FOXN3: variants seen among roughly 807,000 people sequenced by gnomAD.
FOXN3 encodes forkhead box N3.
A neutral mutation model predicts 38.4 loss-of-function variants in FOXN3; 7 were observed. The ratio of observed to expected loss-of-function variants is 0.18; its 90% confidence interval spans 0.10 to 0.34. The LOEUF (loss-of-function observed/expected upper bound fraction) is 0.34, where lower values mean the gene tolerates loss of function less well. Ranked by LOEUF, FOXN3 falls within the 10% of genes least tolerant of loss-of-function variation. FOXN3 has a pLI of 1.00. For missense variants in FOXN3, 456 were observed against 613.4 expected (o/e 0.74, Z 2.71); for synonymous variants, 230 against 242.2 (o/e 0.95, Z 0.47).
intron 1 of FOXN3, among the ~76,000 whole-genome samples, chr14:89,491,165 G>A (rs1444007797): frequency 2.0e-5 from 3 of 151,700 alleles, no homozygotes; most frequent in East Asian, 1.9e-4. Flanking sequence ...AAGTAGAGAC[G>A]GGGTTTTTCC....
upstream of FOXN3, among the ~76,000 whole-genome samples, chr14:89,421,946 C>T (rs115696598): frequency 6.6e-6 from 1 of 152,156 alleles, no homozygotes; most frequent in Non-Finnish European, 1.5e-5. Flanking sequence ...GTGGTGCAAT[C>T]GTAACTCACT....
intron 1 of FOXN3, among the ~76,000 whole-genome samples, chr14:89,563,309 G>T (rs1259299676): frequency 6.6e-6 from 1 of 152,168 alleles, no homozygotes; most frequent in African/African-American, 2.4e-5. Flanking sequence ...ACTTCTCATA[G>T]ATAAGTTGCA....
intron 4 of FOXN3, among the ~76,000 whole-genome samples, chr14:89,181,013 C>G (rs188992261): frequency 6.6e-6 from 1 of 150,686 alleles, no homozygotes; most frequent in Non-Finnish European, 1.5e-5. Flanking sequence ...CAGTCATGCA[C>G]GCGCACACAC....
At chr14:89,364,551 A>G (rs1464497749) in intron 2 of FOXN3, 1 of 152,232 alleles carries the variant, frequency 6.6e-6, no homozygotes, top group Non-Finnish European at 1.5e-5. Context: ...CAGGAGCTGG[A>G]TACAGAGTCC....
intron 1 of FOXN3, among the ~76,000 whole-genome samples, chr14:89,598,794 C>T (rs1164355598): frequency 6.6e-6 from 1 of 152,184 alleles, no homozygotes; most frequent in Admixed American, 6.5e-5. Flanking sequence ...TGATGCTTTT[C>T]AGCTTTTCTC....
intron 1 of FOXN3, among the ~76,000 whole-genome samples, chr14:89,501,923 T>C (rs1406360055): frequency 6.6e-6 from 1 of 152,086 alleles, no homozygotes; most frequent in East Asian, 1.9e-4. Context: ...CCCAGCACTT[T>C]GGGAGGCCGA....
chr14:89,609,613 A>G (rs981361872), intron 1 of FOXN3, among the ~76,000 whole-genome samples: 6 of 152,260 alleles, frequency 3.9e-5, no homozygotes, highest in Admixed American at 2.6e-4. Flanking sequence ...ACTTATGGAA[A>G]TATCACCTAG....
At chr14:89,193,195 C>G (rs999572876) in intron 4 of FOXN3, among the ~76,000 whole-genome samples, 2 of 152,054 alleles carry the variant, frequency 1.3e-5, no homozygotes, top group Non-Finnish European at 2.9e-5. Flanking sequence ...CCGCAGGTGA[C>G]TCGTACCCAA....
At chr14:89,229,103 A>C (rs1409265917) in intron 4 of FOXN3, among the ~76,000 whole-genome samples, 1 of 152,170 alleles carries the variant, frequency 6.6e-6, no homozygotes, top group African/African-American at 2.4e-5. Context: ...GGTTTATTCC[A>C]CTGCCCCAGA....
intron 1 of FOXN3, among the ~76,000 whole-genome samples, chr14:89,485,576 G>T (rs116088028): frequency 1.3e-5 from 2 of 152,070 alleles, no homozygotes; most frequent in Non-Finnish European, 2.9e-5. Context: ...GCAGAGGCAG[G>T]GTGTGGACAG....
At chr14:89,273,464 G>C (rs1419057455) in intron 4 of FOXN3, among the ~76,000 whole-genome samples, 2 of 152,194 alleles carry the variant, frequency 1.3e-5, no homozygotes, top group Admixed American at 6.5e-5. Context: ...TGAAATTAAA[G>C]TCAGACAGGA....
chr14:89,560,779 G>A (rs11626551), intron 1 of FOXN3, among the ~76,000 whole-genome samples: 70,187 of 152,084 alleles, frequency 0.46, 19,754 homozygotes, highest in Non-Finnish European at 0.64. Context: ...ACACATCCAC[G>A]TGGCTTGCAG....
chr14:89,326,537 C>A (rs1888087381), intron 3 of FOXN3, among the ~76,000 whole-genome samples: 1 of 152,072 alleles, frequency 6.6e-6, no homozygotes, highest in African/African-American at 2.4e-5. Context: ...GGACTTTAGT[C>A]AAAAGTAATG....
chr14:89,394,214 T>C (rs566878440), intron 2 of FOXN3, among the ~76,000 whole-genome samples: 149 of 132,754 alleles, frequency 1.1e-3, no homozygotes, highest in South Asian at 0.011. Flanking sequence ...TCGACGTTCT[T>C]TTTTTTTTTT....
At chr14:89,254,321 C>T (rs1212268376) in intron 4 of FOXN3, among the ~76,000 whole-genome samples, 1 of 152,162 alleles carries the variant, frequency 6.6e-6, no homozygotes. Flanking sequence ...ATTGCCTGAG[C>T]CTGGAACGTT....
chr14:89,539,304 AT>A (rs1894752322), intron 1 of FOXN3, among the ~76,000 whole-genome samples: 1 of 152,246 alleles, frequency 6.6e-6, no homozygotes, highest in African/African-American at 2.4e-5. Flanking sequence ...ATAAAACAGT[AT>A]CTCCTAGAAA....
intron 2 of FOXN3, among the ~76,000 whole-genome samples, chr14:89,402,635 A>C (rs1891280341): frequency 6.6e-6 from 1 of 152,120 alleles, no homozygotes; most frequent in African/African-American, 2.4e-5. Flanking sequence ...TTAAAACCAG[A>C]AGTCAGCAAG....
intron 1 of FOXN3, among the ~76,000 whole-genome samples, chr14:89,438,453 T>C (rs1892314750): frequency 6.6e-6 from 1 of 152,230 alleles, no homozygotes; most frequent in Non-Finnish European, 1.5e-5. Context: ...TTCTTAGCTA[T>C]CAATAGTGAA....
At chr14:89,321,376 G>C (rs1034730034) in intron 3 of FOXN3, among the ~76,000 whole-genome samples, 1 of 152,214 alleles carries the variant, frequency 6.6e-6, no homozygotes, top group Non-Finnish European at 1.5e-5. Flanking sequence ...GGGAGATGGA[G>C]ACCATCCTGG....
Sources: gnomAD v4.1 joint callset for allele counts (sites outside exome capture counted in the v4.1 genomes callset) on GRCh38, gnomAD v4.1.1 for gene constraint, MANE v1.5 for transcripts, NCBI Gene and HGNC (gene_info 2026-07-23, HGNC 2026-07-21) for gene names.